The following MAG variants were observed in gnomAD, a reference collection of about 807,000 sequenced individuals.
MAG encodes the protein myelin associated glycoprotein, also known as myelin-associated glycoprotein.
A neutral mutation model predicts 60.7 loss-of-function variants in MAG; 30 were observed. That is an observed-to-expected ratio of 0.49 (90% CI 0.37 to 0.67). The LOEUF (loss-of-function observed/expected upper bound fraction) is 0.67. Ranked by LOEUF, MAG falls within the 30% of genes least tolerant of loss-of-function variation. The pLI is 0.00. For synonymous variants in MAG, 384 were observed against 376.8 expected, an observed-to-expected ratio of 1.02 and a Z score of -0.22; for missense variants, 795 against 851.7, an observed-to-expected ratio of 0.93 and a Z score of 0.83.
In MAG at chr19:35,307,681, T is replaced by C. The variant is rs141316819; in HGVS notation, c.1232-2193T>C. Among the ~76,000 whole-genome samples, 1,429 of 152,188 alleles carry C rather than the reference T, an allele frequency of 9.4e-3. 32 individuals are homozygous for C. Among genetic ancestry groups the C allele is most frequent in the African/African-American group, 0.033 (1,350 of 41,512 alleles). On this transcript the variant is annotated intron_variant, in intron 7 of 10. Coordinates refer to ENST00000392213, the MANE Select transcript of MAG (RefSeq NM_002361.4). ...CAGCCTGGGCGACAGAGAGACTCCG[T>C]CTCAAAAATCATAGTAATAACAATA...
chr19:35,300,499 AG>A, intron 6 of MAG, 95 bp downstream of exon 6: 1 of 1,441,352 alleles, frequency 6.9e-7, no homozygotes, highest in Non-Finnish European at 9.1e-7. Context: ...CTGGGTCCCG[AG>A]GGGACCGGCC....
In MAG at chr19:35,301,429, C is replaced by CTTTTTT. The variant is rs67343866; in HGVS notation, c.971-1003_971-998dup. ...ACATTTACTCCACAGCTCTTGAGTGCTTTTTTTTTTTTTTTTTTTTTGAGA... is the reference window on the plus strand; with the variant it reads ...ACATTTACTCCACAGCTCTTGAGTGCTTTTTTTTTTTTTTTTTTTTTTTTTTTGAGA... On this transcript the variant is annotated intron_variant, in intron 6 of 10. Coordinates refer to ENST00000392213, the MANE Select transcript of MAG (RefSeq NM_002361.4). 1.4e-4 allele frequency among the ~76,000 whole-genome samples: 15 copies of CTTTTTT among 105,718 alleles called. 1 individual carries two copies. Among genetic ancestry groups the CTTTTTT allele is most frequent in the African/African-American group, 2.2e-4 (6 of 27,242 alleles). 69.4% of individuals were successfully genotyped at this position (105,718 alleles called of 152,430 possible). A position where few individuals can be genotyped will look rare whatever the true frequency, so the allele number is the denominator to read the frequency against.
At chr19:35,311,719 C>T (rs745352512) in intron 9 of MAG, among the ~76,000 whole-genome samples, 199 bp from the exon 10 acceptor site, 1 of 152,198 alleles carries the variant, frequency 6.6e-6, no homozygotes, top group African/African-American at 2.4e-5. Flanking sequence ...CCAGGTGGCT[C>T]GTCCCCAGCC....
chr19:35,313,423 T>C lies in MAG; in HGVS notation c.1850T>C (p.Leu617Pro), dbSNP rs756522860. The change falls in exon 11 of 11, where the codon CTA becomes CCA. Residue 617 changes from leucine to proline, a missense_variant. Coordinates refer to ENST00000392213, the MANE Select transcript of MAG (RefSeq NM_002361.4). Reference sequence around the variant, plus strand: ...GACAGCTACACGCTGACGGAGGAGCTAGCTGAGTATGCTGAAATCCGGGTC... The same window carrying C: ...GACAGCTACACGCTGACGGAGGAGCCAGCTGAGTATGCTGAAATCCGGGTC... ...TKDSYTLTEELAEYAEIRVK is the reference protein window; with the variant it reads ...TKDSYTLTEEPAEYAEIRVK 8 of 1,613,360 alleles carry C rather than the reference T, an allele frequency of 5.0e-6. No homozygotes were observed. The highest frequency in any genetic ancestry group is 2.2e-5 in the East Asian group (1 of 44,834).
chr19:35,307,880 C>T (rs952113745), intron 7 of MAG, among the ~76,000 whole-genome samples: 8 of 151,188 alleles, frequency 5.3e-5, no homozygotes, highest in Admixed American at 1.3e-4. Flanking sequence ...GGGTTCAAGG[C>T]GGCTTTAGGG....
In MAG at chr19:35,295,339, C is replaced by T. The variant is rs201637850; in HGVS notation, c.-23-47C>T. ...CCTTCCTGAAGCCCAGATGGAACAC[C>T]CCCTTTCACTTCCCCCAGCCTTTAA... On this transcript the variant is annotated intron_variant, in intron 2 of 10. Transcript: ENST00000392213. The surrounding 1 kb of genome is among the most constrained non-coding windows in gnomAD (Gnocchi z 5.8). The T allele has an allele frequency of 9.4e-5, 144 of 1,539,594 alleles. 2 individuals are homozygous for T. In the Admixed American group the frequency reaches 2.2e-3, roughly 24 times the overall value.
intron 4 of MAG, among the ~76,000 whole-genome samples, chr19:35,297,138 C>T (rs998452676): frequency 1.3e-5 from 2 of 150,360 alleles, no homozygotes; most frequent in Non-Finnish European, 1.5e-5. Context: ...ACCACACACA[C>T]ACCACACCAA....
intron 1 of MAG, among the ~76,000 whole-genome samples, 197 bp downstream of exon 1, chr19:35,292,401 G>T (rs1197218488): frequency 1.3e-5 from 2 of 151,962 alleles, no homozygotes; most frequent in Non-Finnish European, 2.9e-5. Flanking sequence ...ATGGGGCTCT[G>T]GGAAGAAACC....
Position 35,299,823 on chromosome 19 carries a change from G to C in MAG, c.685G>C (p.Glu229Gln), listed in dbSNP as rs202166521. The C allele has an allele frequency of 3.0e-5, 45 of 1,522,778 alleles. No individual in the cohort carries two copies. The highest frequency in any genetic ancestry group is 1.7e-4 in the Middle Eastern group (1 of 5,930). The allele number at this position is 1,522,778 out of a possible 1,614,324, so 94.3% of individuals were successfully genotyped here. The change falls in exon 5 of 11, where the codon GAG (glutamate) becomes CAG (glutamine). Residue 229 changes from glutamate (E) to glutamine (Q), a missense_variant. Glu to Gln is a conservative substitution (Grantham distance 29). Transcript: ENST00000392213. ...ASFPNTTLQF[E>Q]GYASMDVKYP... is the part of the protein sequence containing the mutation. The stretch of plus-strand genomic sequence containing the variant: ...CTTCCCCAACACCACCCTGCAGTTC[G>C]AGGGCTACGCCAGCATGGACGTCAA...
At position 35,313,413 on chromosome 19, in the gene MAG, A is replaced by T; in HGVS notation, c.1840A>T (p.Thr614Ser). 1 of 1,613,806 alleles carries T rather than the reference A, an allele frequency of 6.2e-7. No individual in the cohort carries two copies. Among genetic ancestry groups the T allele is most frequent in the Non-Finnish European group, 8.5e-7 (1 of 1,179,880 alleles). ...GCCCACCAAGGACAGCTACACGCTG[A>T]CGGAGGAGCTAGCTGAGTATGCTGA... ...KRPTKDSYTL[T>S]EELAEYAEIR... The change falls in exon 11 of 11, where the codon ACG becomes TCG. Residue 614 changes from threonine (T) to serine (S), a missense_variant. By Grantham distance (58) the Thr-to-Ser change is moderately conservative (BLOSUM62 1). Coordinates refer to ENST00000392213, the MANE Select transcript of MAG (RefSeq NM_002361.4).
intron 9 of MAG, among the ~76,000 whole-genome samples, chr19:35,311,117 A>C (rs1330062390): frequency 6.6e-6 from 1 of 152,190 alleles, no homozygotes; most frequent in African/African-American, 2.4e-5. Flanking sequence ...GGATTGCTTG[A>C]GGCCAGGAAT....
chr19:35,305,366 G>A (rs1161175403), intron 7 of MAG, among the ~76,000 whole-genome samples: 2 of 152,228 alleles, frequency 1.3e-5, no homozygotes, highest in African/African-American at 4.8e-5. Context: ...CAGGAAGTGT[G>A]CAACCTTACC....
chr19:35,307,138 T>A (rs1568475035), intron 7 of MAG, among the ~76,000 whole-genome samples: 1 of 152,244 alleles, frequency 6.6e-6, no homozygotes, highest in Non-Finnish European at 1.5e-5. Flanking sequence ...TGTCTGTCGG[T>A]TCAGGTTCGC....
At chr19:35,312,536 G>A (rs755224426) in intron 10 of MAG, 6 of 563,936 alleles carry the variant, frequency 1.1e-5, no homozygotes, top group African/African-American at 1.9e-5. Context: ...TGTGGCTAGG[G>A]GGTGGAGGGA....
intron 10 of MAG, chr19:35,312,718 A>G (rs1000249539): frequency 1.9e-5 from 5 of 264,280 alleles, no homozygotes; most frequent in Non-Finnish European, 7.2e-6. Context: ...TAGGGGTTAC[A>G]TTGTGTGCCC....
Position 35,297,790 on chromosome 19 carries a change from C to A in MAG, c.416-1764C>A, listed in dbSNP as rs564178705. 2.2e-4 allele frequency among the ~76,000 whole-genome samples: 32 copies of A among 146,112 alleles called. 1 individual carries two copies. In the East Asian group the frequency reaches 6.9e-3, roughly 32 times the overall value. ...CACTGTACACATACATGCGCCACCC[C>A]CACATCACAACACAAACCACACACC... On this transcript the variant is annotated intron_variant, in intron 4 of 10. Transcript: ENST00000392213.
At chr19:35,310,496 C>A in intron 8 of MAG, 51 bp from the exon 9 acceptor site, 2 of 1,495,736 alleles carry the variant, frequency 1.3e-6, no homozygotes, top group South Asian at 1.1e-5. Context: ...TCTCAGGTGT[C>A]GTCACCACCA....
chr19:35,308,728 G>A (rs1189142045), intron 7 of MAG, among the ~76,000 whole-genome samples: 1 of 152,236 alleles, frequency 6.6e-6, no homozygotes, highest in Non-Finnish European at 1.5e-5. Flanking sequence ...AAGGCTGTTT[G>A]TAATCTATAC....
intron 6 of MAG, among the ~76,000 whole-genome samples, chr19:35,301,429 CTTT>C (rs67343866): frequency 9.5e-6 from 1 of 105,734 alleles, no homozygotes; most frequent in Non-Finnish European, 1.8e-5. Flanking sequence ...CTCTTGAGTG[CTTT>C]TTTTTTTTTT....
Sources: allele counts gnomAD v4.1 joint callset (sites outside exome capture counted in the v4.1 genomes callset), GRCh38; gene constraint gnomAD v4.1.1; non-coding constraint Gnocchi (gnomAD v3.1); transcripts MANE v1.5; gene names NCBI Gene and HGNC (gene_info 2026-07-23, HGNC 2026-07-21).